Variants in DCP1B observed in about 807,000 individuals in gnomAD.
DCP1B encodes the protein mRNA-decapping enzyme 1B.
DCP1B carries 47 observed loss-of-function variants against 60.5 expected under a neutral mutation model. The ratio of observed to expected loss-of-function variants is 0.78; its 90% CI spans 0.61 to 0.99. The LOEUF is 0.99. Ranked by LOEUF, DCP1B falls within the 50% of genes least tolerant of loss-of-function variation. The pLI, the probability that DCP1B is intolerant of heterozygous loss-of-function variation, is 0.00. For missense variants in DCP1B, 725 were observed against 756.8 expected, an observed-to-expected ratio of 0.96 and a Z score of 0.49; for synonymous variants, 267 against 280.3, an observed-to-expected ratio of 0.95 and a Z score of 0.47.
chr12:1,942,353 C>A (rs755924870), downstream of DCP1B, among the ~76,000 whole-genome samples: 1 of 152,180 alleles, frequency 6.6e-6, no homozygotes, highest in Non-Finnish European at 1.5e-5. Context: ...GAGACTTTAA[C>A]GCCCCTCTGT....
chr12:1,958,952 G>T (rs2031015566), intron 5 of DCP1B, among the ~76,000 whole-genome samples: 1 of 143,396 alleles, frequency 7.0e-6, no homozygotes, highest in Admixed American at 6.9e-5. Flanking sequence ...CCTCCTGGAA[G>T]GAAACAGGGG....
At position 2,004,426 on chromosome 12, in the gene DCP1B, T is replaced by G. The variant is rs551448708; in HGVS notation, c.6A>C (p.Ala2=). The G allele has an allele frequency of 3.1e-6, 5 of 1,609,206 alleles. No individual in the cohort carries two copies. The East Asian group carries it at 1.1e-4, about 36-fold the overall frequency. Residue 2 remains alanine (A), a synonymous_variant, in exon 1 of 9, where the codon GCA becomes GCC. Coordinates refer to ENST00000280665, the MANE Select transcript of DCP1B (RefSeq NM_152640.5). ...CCACCAGGCCGCCTGCCGCCACGGC[T>G]GCCATCTTCCCTCCCTCCCAGACAT... The part of the protein sequence containing the change: M[A]AVAAGGLVGK...
At chr12:1,988,114 G>A (rs970343810) in intron 3 of DCP1B, among the ~76,000 whole-genome samples, 1 of 152,140 alleles carries the variant, frequency 6.6e-6, no homozygotes. Context: ...TTGTATATCA[G>A]TCACAATAGG....
intron 3 of DCP1B, among the ~76,000 whole-genome samples, chr12:1,974,697 T>C (rs2033738994): frequency 6.6e-6 from 1 of 152,182 alleles, no homozygotes; most frequent in African/African-American, 2.4e-5. Context: ...CGTTTGATAA[T>C]GGCAATCCCA....
Position 2,000,715 on chromosome 12 carries a change from T to C in DCP1B, c.151-2740A>G, listed in dbSNP as rs1483905932. ...GATCATGCTGGGCTAATTAGTTTAT[T>C]ATTATATGTCTCAGTTTCTCCATTG... On this transcript the variant is annotated intron_variant, in intron 1 of 8. Coordinates refer to ENST00000280665, the MANE Select transcript of DCP1B (RefSeq NM_152640.5). Among the ~76,000 whole-genome samples the C allele has an allele frequency of 2.0e-5, 3 of 152,168 alleles. No individual in the cohort carries two copies. In the East Asian group the frequency reaches 5.8e-4, roughly 29 times the overall value.
intron 5 of DCP1B, among the ~76,000 whole-genome samples, chr12:1,959,478 T>G (rs1292643766): frequency 6.6e-6 from 1 of 152,182 alleles, no homozygotes; most frequent in Admixed American, 6.5e-5. Flanking sequence ...CCAATAGGTA[T>G]GTGAAAAATG....
chr12:1,976,839 A>T (rs2034520456), intron 3 of DCP1B, among the ~76,000 whole-genome samples: 2 of 148,174 alleles, frequency 1.3e-5, no homozygotes, highest in African/African-American at 4.9e-5. Flanking sequence ...ATATTTGAGG[A>T]AAGGGGGAGA....
intron 1 of DCP1B, 112 bp downstream of exon 1, chr12:2,004,170 T>A: frequency 2.7e-5 from 38 of 1,431,174 alleles, no homozygotes; most frequent in East Asian, 5.2e-5. Flanking sequence ...ATCCACCCAC[T>A]TCCAGGGCGT....
Position 2,001,021 on chromosome 12 carries a change from GA to G in DCP1B, c.151-3047del, listed in dbSNP as rs2042073471. On this transcript the variant is annotated intron_variant, in intron 1 of 8. Coordinates refer to ENST00000280665, the MANE Select transcript of DCP1B (RefSeq NM_152640.5). ...CATTGCACTCCAGCCTGGGGAACAA[GA>G]GCGAGACTTCGTCTCAAAAAAAAAA... Among the ~76,000 whole-genome samples the G allele has an allele frequency of 1.3e-4, 18 of 142,582 alleles. 1 individual carries two copies. The South Asian group carries it at 4.0e-3, about 32-fold the overall frequency. 93.5% of individuals were successfully genotyped at this position (142,582 alleles called of 152,430 possible).
At chr12:1,965,716 C>A (rs2031272191) in intron 4 of DCP1B, 23 bp from the exon 5 acceptor site, 1 of 1,591,204 alleles carries the variant, frequency 6.3e-7, no homozygotes. Flanking sequence ...AGGGGAAAAT[C>A]CACACAAGAA....
At chr12:1,944,377 C>A (rs993775837), downstream of DCP1B, among the ~76,000 whole-genome samples, 37 of 152,182 alleles carry the variant, frequency 2.4e-4, no homozygotes, top group Non-Finnish European at 2.2e-4. Flanking sequence ...TTTATAGATT[C>A]AATGCTATCC....
At chr12:1,978,181 G>C (rs900037878) in intron 3 of DCP1B, among the ~76,000 whole-genome samples, 10 of 152,148 alleles carry the variant, frequency 6.6e-5, no homozygotes, top group Non-Finnish European at 1.2e-4. Flanking sequence ...CCAGAGAAAG[G>C]GGGCATAGCC....
rs74059696 is a variant in DCP1B at position 2,001,952 on chromosome 12, G to T, written c.150+2330C>A. 1.7e-3 allele frequency among the ~76,000 whole-genome samples: 252 copies of T among 152,276 alleles called. 1 individual carries two copies. Among genetic ancestry groups the T allele is most frequent in the African/African-American group, 5.9e-3 (245 of 41,546 alleles). ...GCCACTGGTCTAAGGACTGACAGCTGGAAAATACCAGGGTTATGGTCTTCA... is the reference window on the plus strand; with the variant it reads ...GCCACTGGTCTAAGGACTGACAGCTTGAAAATACCAGGGTTATGGTCTTCA... On this transcript the variant is annotated intron_variant, in intron 1 of 8. Transcript: ENST00000280665.
At position 1,962,932 on chromosome 12, in the gene DCP1B, A is replaced by G. The variant is rs1214698285; in HGVS notation, c.522+2626T>C. ...GTTAAAGAAACTTGTCTAACTGCCT[A>G]TATGTGCCACTTCATTCAGGATTTT... is the stretch of plus-strand genomic sequence containing the variant. On this transcript the variant is annotated intron_variant, in intron 5 of 8. Coordinates refer to ENST00000280665, the MANE Select transcript of DCP1B (RefSeq NM_152640.5). The surrounding 1 kb of genome is among the most constrained non-coding windows in gnomAD (Gnocchi z 4.4). Among the ~76,000 whole-genome samples, 1 of 152,224 alleles carries G rather than the reference A, an allele frequency of 6.6e-6. No individual in the cohort carries two copies. The highest frequency in any genetic ancestry group is 2.4e-5 in the African/African-American group (1 of 41,462).
chr12:1,950,420 CTA>C (rs914930750), intron 7 of DCP1B: 67 of 702,036 alleles, frequency 9.5e-5, no homozygotes, highest in Admixed American at 2.8e-4. Flanking sequence ...TTAAGTCAGA[CTA>C]TATTCATCGC....
downstream of DCP1B, among the ~76,000 whole-genome samples, chr12:1,944,975 A>G (rs1237941779): frequency 1.3e-5 from 2 of 152,200 alleles, no homozygotes; most frequent in African/African-American, 4.8e-5. Context: ...ATCAAAAGAA[A>G]CTATATCAGA....
intron 5 of DCP1B, among the ~76,000 whole-genome samples, chr12:1,959,335 C>T (rs543910673): frequency 8.5e-5 from 13 of 152,232 alleles, no homozygotes; most frequent in East Asian, 3.9e-4. Context: ...AACATACATA[C>T]GATAAGAGAT....
Position 1,955,494 on chromosome 12 carries a change from T to C in DCP1B, c.589A>G (p.Ile197Val). ...CTGGGTTTCACTGGAATTGGTTTGATGAGATTTGGATTGTCATAGATGGCA... is the reference window on the plus strand; with the variant it reads ...CTGGGTTTCACTGGAATTGGTTTGACGAGATTTGGATTGTCATAGATGGCA... The part of the protein sequence containing the change: ...SSAIYDNPNL[I>V]KPIPVKPSEN... Residue 197 changes from isoleucine (I) to valine (V), a missense_variant, in exon 6 of 9, where the codon ATC (isoleucine) becomes GTC (valine). Physicochemically the swap from Ile to Val is conservative, Grantham distance 29. Transcript: ENST00000280665. 6.2e-7 allele frequency: 1 copy of C among 1,612,912 alleles called. No individual in the cohort carries two copies. Among genetic ancestry groups the C allele is most frequent in the African/African-American group, 1.3e-5 (1 of 75,020 alleles).
chr12:1,978,730 C>G (rs1411533832), intron 3 of DCP1B, among the ~76,000 whole-genome samples: 2 of 152,178 alleles, frequency 1.3e-5, no homozygotes, highest in African/African-American at 4.8e-5. Flanking sequence ...TTCTATCACC[C>G]TAGATTAGTT....
Sources: gnomAD v4.1 joint callset for allele counts (sites outside exome capture counted in the v4.1 genomes callset) on GRCh38, gnomAD v4.1.1 for gene constraint, Gnocchi (gnomAD v3.1) non-coding constraint, MANE v1.5 for transcripts, NCBI Gene and HGNC (gene_info 2026-07-23, HGNC 2026-07-21) for gene names.